Variants in PEX5 observed in about 807,000 individuals in gnomAD.
The protein encoded by PEX5 is peroxisomal biogenesis factor 5.
In PEX5, 52 loss-of-function variants were observed where a neutral mutation model predicts 82.9. That is an observed-to-expected ratio of 0.63 (90% CI 0.50 to 0.79). The LOEUF (loss-of-function observed/expected upper bound fraction) is 0.79. PEX5 is among the 30% of genes least tolerant of loss of function. The probability of loss-of-function intolerance (pLI) is 0.00; values close to 1 mark genes in which losing one functional copy is unlikely to be tolerated. For missense variants in PEX5, 719 were observed against 815.2 expected (o/e 0.88, Z 1.44); for synonymous variants, 300 against 318.8 (o/e 0.94, Z 0.63).
At chr12:7,201,709 G>A (rs780303206) in intron 6 of PEX5, 42 bp from the exon 7 acceptor site, 1 of 1,365,936 alleles carries the variant, frequency 7.3e-7, no homozygotes, top group Non-Finnish European at 1.0e-6. Context: ...TGGGGAGGGT[G>A]ATGGCAGACT....
chr12:7,199,195 C>G, intron 6 of PEX5, 82 bp downstream of exon 6: 1 of 671,516 alleles, frequency 1.5e-6, no homozygotes, highest in Non-Finnish European at 2.6e-6. Flanking sequence ...GTTCTCGAAC[C>G]AACTTACTTT....
chr12:7,213,132 G>A (rs767502167), downstream of PEX5, among the ~76,000 whole-genome samples: 1,664 of 150,824 alleles, frequency 0.011, 26 homozygotes, highest in African/African-American at 0.037. Flanking sequence ...AATCAATATT[G>A]TGAAAATGGC....
Position 7,205,076 on chromosome 12 carries a change from G to C in PEX5, c.966+1525G>C, listed in dbSNP as rs144071440. ...AGTACCCAAAACCGTAAAATGCCTA[G>C]AAGAAAACATAGGGAGAAAGTTTCT... On this transcript the variant is annotated intron_variant, in intron 10 of 15. Coordinates refer to ENST00000675855, the MANE Select transcript of PEX5 (RefSeq NM_001351132.2). Among the ~76,000 whole-genome samples the C allele has an allele frequency of 1.1e-3, 175 of 152,278 alleles. 4 individuals carry two copies. The highest frequency in any genetic ancestry group is 8.4e-3 in the Admixed American group (128 of 15,304).
chr12:7,214,486 T>A (rs1305447074), downstream of PEX5, among the ~76,000 whole-genome samples: 1 of 146,808 alleles, frequency 6.8e-6, no homozygotes, highest in Non-Finnish European at 1.5e-5. Flanking sequence ...AAACACTGCA[T>A]GTTCTCACTC....
At chr12:7,208,393 GGTGCT>G in intron 12 of PEX5, 59 bp from the exon 13 acceptor site, 1 of 1,210,606 alleles carries the variant, frequency 8.3e-7, no homozygotes, top group Non-Finnish European at 1.2e-6. Context: ...TGGATCCCAG[GGTGCT>G]CACATGTGCC....
At chr12:7,214,362 A>C (rs1274695509), downstream of PEX5, among the ~76,000 whole-genome samples, 1 of 152,016 alleles carries the variant, frequency 6.6e-6, no homozygotes, top group Non-Finnish European at 1.5e-5. Context: ...AATGTGGCAC[A>C]TATACACCAT....
chr12:7,197,172 TTA>T (rs751155248), intron 5 of PEX5, among the ~76,000 whole-genome samples: 72 of 102,036 alleles, frequency 7.1e-4, no homozygotes, highest in African/African-American at 2.7e-3. Flanking sequence ...TATAATGTAA[TTA>T]TATATGTCAT....
Position 7,190,394 on chromosome 12 carries a change from T to C in PEX5, c.17T>C (p.Leu6Pro), listed in dbSNP as rs1245227342. 6.2e-7 allele frequency: 1 copy of C among 1,614,090 alleles called. No homozygotes were observed. The highest frequency in any genetic ancestry group is 8.5e-7 in the Non-Finnish European group (1 of 1,180,046). The part of the protein sequence containing the change: MAMRE[L>P]VEAECGGANP... ...GCGGTCACCATGGCAATGCGGGAGC[T>C]GGTGGAGGCCGAATGCGGGGGTGCC... Residue 6 changes from leucine to proline, a missense_variant, in exon 2 of 16, where the codon CTG becomes CCG. Transcript: ENST00000675855.
rs1279780530 is a variant in PEX5, at chr12:7,197,499, TTATA to T, written c.449-1507_449-1504del. On this transcript the variant is annotated intron_variant, in intron 5 of 15. Transcript: ENST00000675855. ...ATATATAATATAATAATTATATATG[TTATA>T]TATAATGTAATAATTATATGTTATA... Among the ~76,000 whole-genome samples, 9 of 142,274 alleles carry T rather than the reference TTATA, an allele frequency of 6.3e-5. No individual in the cohort carries two copies. In the East Asian group the frequency reaches 1.8e-3, roughly 28 times the overall value. 93.3% of individuals were successfully genotyped at this position (142,274 alleles called of 152,430 possible).
At position 7,191,341 on chromosome 12, in the gene PEX5, G is replaced by A. The variant is rs757108771; in HGVS notation, c.299G>A (p.Arg100His). The change falls in exon 4 of 16, where the codon CGC (arginine) becomes CAC (histidine). Residue 100 changes from arginine to histidine, a missense_variant. Transcript: ENST00000675855. ...EMQQIEQSNF[R>H]QAPQRAPGVA... The stretch of plus-strand genomic sequence containing the variant: ...CAGCAGATTGAGCAGTCAAACTTCC[G>A]CCAGGCTCCCCAGAGAGGTGAGTCC... 58 of 1,614,138 alleles carry A rather than the reference G, an allele frequency of 3.6e-5. No individual in the cohort carries two copies. In the East Asian group the frequency reaches 1.1e-3, roughly 30 times the overall value.
At chr12:7,203,063 C>T (rs964124993) in intron 9 of PEX5, among the ~76,000 whole-genome samples, 5 of 151,962 alleles carry the variant, frequency 3.3e-5, no homozygotes, top group African/African-American at 1.2e-4. Context: ...GAGGCTGAGG[C>T]AGGAGAAATG....
Position 7,199,734 on chromosome 12 carries a change from G to A in PEX5, c.551+621G>A, listed in dbSNP as rs1015135556. 1.2e-3 allele frequency among the ~76,000 whole-genome samples: 189 copies of A among 151,354 alleles called. 3 individuals are homozygous for A. Among genetic ancestry groups the A allele is most frequent in the Middle Eastern group, 3.4e-3 (1 of 294 alleles). ...GAGCTATTGGGTACACCTCCCAGAC[G>A]GGGTGGTGGCCAGGCAGAGGGGCTC... is the stretch of plus-strand genomic sequence containing the variant. On this transcript the variant is annotated intron_variant, in intron 6 of 15. Transcript: ENST00000675855.
At chr12:7,216,198 C>T (rs371401287), downstream of PEX5, among the ~76,000 whole-genome samples, 2 of 152,156 alleles carry the variant, frequency 1.3e-5, no homozygotes, top group Admixed American at 6.5e-5. Context: ...GAACTCCTGA[C>T]GTCAGGTGAT....
intron 10 of PEX5, among the ~76,000 whole-genome samples, chr12:7,205,700 A>G (rs1168010110): frequency 6.6e-6 from 1 of 152,190 alleles, no homozygotes; most frequent in African/African-American, 2.4e-5. Context: ...TCCATCATCT[A>G]TGCAAATATT....
Position 7,203,295 on chromosome 12 carries a change from T to A in PEX5, c.847-137T>A, listed in dbSNP as rs1944372767. Reference sequence around the variant, plus strand: ...GGATAGCATCTGGCCATTTGCATTTTAAAAAACTTATTCAGATGATTCTTA... The same window carrying A: ...GGATAGCATCTGGCCATTTGCATTTAAAAAAACTTATTCAGATGATTCTTA... On this transcript the variant is annotated intron_variant, in intron 9 of 15. Transcript: ENST00000675855. 19 of 1,052,230 alleles carry A rather than the reference T, an allele frequency of 1.8e-5. No individual in the cohort carries two copies. The South Asian group carries it at 3.0e-4, about 17-fold the overall frequency. 65.2% of individuals were successfully genotyped at this position (1,052,230 alleles called of 1,614,324 possible).
chr12:7,190,167 G>GA (rs1397666686), intron 1 of PEX5, 195 bp from the exon 2 acceptor site: 5 of 1,498,696 alleles, frequency 3.3e-6, no homozygotes, highest in Non-Finnish European at 4.4e-6. Context: ...GGTGGCCTTT[G>GA]AGGGGGGCGG....
chr12:7,207,617 G>A (rs760559987), intron 10 of PEX5, 42 bp from the exon 11 acceptor site: 4 of 1,608,466 alleles, frequency 2.5e-6, no homozygotes, highest in African/African-American at 1.3e-5. Flanking sequence ...CTGTTCTGAC[G>A]GTGCCACCTC....
intron 5 of PEX5, among the ~76,000 whole-genome samples, chr12:7,192,729 C>T (rs1230018412): frequency 1.3e-5 from 2 of 152,176 alleles, no homozygotes; most frequent in Admixed American, 1.3e-4. Flanking sequence ...GAATTGGTTT[C>T]TACCCCCACC....
At chr12:7,218,415 C>G (rs1945840589) in exon 18 of PEX5, 1 of 152,218 alleles carries the variant, frequency 6.6e-6, no homozygotes, top group Non-Finnish European at 1.5e-5. Flanking sequence ...TATACAGCCT[C>G]TGCAGACACT....
Sources: allele counts gnomAD v4.1 joint callset (sites outside exome capture counted in the v4.1 genomes callset), GRCh38; gene constraint gnomAD v4.1.1; transcripts MANE v1.5; gene names NCBI Gene and HGNC (gene_info 2026-07-23, HGNC 2026-07-21).